The following SPIDR variants were observed in gnomAD, a reference collection of about 807,000 sequenced individuals.
SPIDR encodes the protein DNA repair-scaffolding protein.
A neutral mutation model predicts 104.6 loss-of-function variants in SPIDR; 93 were observed. The observed-to-expected ratio is 0.89, with a 90% CI of 0.75 to 1.06. The LOEUF is 1.06. Ranked by LOEUF, SPIDR falls within the 50% of genes least tolerant of loss-of-function variation. SPIDR has a pLI of 0.00. For synonymous variants in SPIDR, 431 were observed against 416.9 expected (o/e 1.03, Z -0.41); for missense variants, 1,154 against 1,111.2 (o/e 1.04, Z -0.55).
At chr8:47,726,736 T>C (rs569385710) in intron 16 of SPIDR, among the ~76,000 whole-genome samples, 1 of 152,206 alleles carries the variant, frequency 6.6e-6, no homozygotes, top group South Asian at 2.1e-4. Flanking sequence ...TTATTTCATC[T>C]TTTTTTTGGG....
chr8:47,566,567 C>G (rs1167520469), intron 8 of SPIDR, among the ~76,000 whole-genome samples: 1 of 151,950 alleles, frequency 6.6e-6, no homozygotes, highest in African/African-American at 2.4e-5. Context: ...GATTTCATAA[C>G]TCTATCTGGA....
intron 17 of SPIDR, among the ~76,000 whole-genome samples, chr8:47,728,125 AAG>A (rs575051090): frequency 6.7e-6 from 1 of 150,232 alleles, no homozygotes; most frequent in Non-Finnish European, 1.5e-5. Flanking sequence ...CAAAAAGAAA[AAG>A]AGAAAAAAAA....
intron 5 of SPIDR, among the ~76,000 whole-genome samples, chr8:47,346,725 T>C (rs1042419064): frequency 1.1e-4 from 17 of 152,372 alleles, no homozygotes; most frequent in Middle Eastern, 3.4e-3. Context: ...CCATTTCTTC[T>C]AGATTTTCTA....
intron 1 of SPIDR, among the ~76,000 whole-genome samples, chr8:47,278,141 G>A (rs1459732938): frequency 7.0e-6 from 1 of 143,640 alleles, no homozygotes; most frequent in Non-Finnish European, 1.5e-5. Flanking sequence ...TGGGTGTGAA[G>A]TGGCATATCA....
intron 8 of SPIDR, among the ~76,000 whole-genome samples, chr8:47,540,054 C>T (rs1233713375): frequency 6.6e-6 from 1 of 152,208 alleles, no homozygotes; most frequent in East Asian, 1.9e-4. Context: ...TATTCCCCCA[C>T]ATTATGCTTG....
chr8:47,340,291 C>T (rs2050498383), intron 5 of SPIDR, among the ~76,000 whole-genome samples: 1 of 152,082 alleles, frequency 6.6e-6, no homozygotes, highest in African/African-American at 2.4e-5. Flanking sequence ...CGGTTTCTGG[C>T]TTTTTCTCAA....
chr8:47,417,775 T>C lies in SPIDR; in HGVS notation c.877+9814T>C, dbSNP rs565134389. ...GTTTTAGGTCTAACATGTAAGTCTTTAATCCATCTTGAATTAATTTTTGTA... is the reference window on the plus strand; with the variant it reads ...GTTTTAGGTCTAACATGTAAGTCTTCAATCCATCTTGAATTAATTTTTGTA... On this transcript the variant is annotated intron_variant, in intron 7 of 19. Coordinates refer to ENST00000297423, the MANE Select transcript of SPIDR (RefSeq NM_001080394.4). Among the ~76,000 whole-genome samples the C allele has an allele frequency of 1.9e-3, 290 of 152,324 alleles. 1 individual carries two copies. The highest frequency in any genetic ancestry group is 3.1e-3 in the Non-Finnish European group (210 of 68,022).
chr8:47,321,982 C>T (rs1215832960), intron 5 of SPIDR, among the ~76,000 whole-genome samples: 1 of 152,078 alleles, frequency 6.6e-6, no homozygotes. Context: ...GACCTGAAAC[C>T]ATAAAAACCC....
intron 14 of SPIDR, among the ~76,000 whole-genome samples, chr8:47,710,346 TGAAA>T (rs1444270753): frequency 4.6e-5 from 7 of 152,142 alleles, no homozygotes; most frequent in Non-Finnish European, 1.0e-4. Context: ...ATTAATAGAT[TGAAA>T]GAGAGACCAC....
Position 47,598,987 on chromosome 8 carries a change from C to A in SPIDR, c.1335C>A (p.Thr445=). 1 of 1,613,828 alleles carries A rather than the reference C, an allele frequency of 6.2e-7. No homozygotes were observed. The highest frequency in any genetic ancestry group is 1.1e-5 in the South Asian group (1 of 91,014). ...SGVATTGTAW[T]HGHKEAKQRI... ...TAGCCACTACAGGGACAGCCTGGAC[C>A]CATGGGCACAAAGAAGCAAAACAGC... Residue 445 remains threonine, a synonymous_variant, in exon 10 of 20, where the codon ACC becomes ACA. Coordinates refer to ENST00000297423, the MANE Select transcript of SPIDR (RefSeq NM_001080394.4).
intron 5 of SPIDR, among the ~76,000 whole-genome samples, chr8:47,375,481 C>G (rs889548480): frequency 6.6e-6 from 1 of 151,284 alleles, no homozygotes; most frequent in Non-Finnish European, 1.5e-5. Flanking sequence ...ACCTCATGAT[C>G]TGCCCGCCTC....
At chr8:47,440,601 G>T in intron 8 of SPIDR, 59 bp downstream of exon 8, 1 of 1,524,156 alleles carries the variant, frequency 6.6e-7, no homozygotes, top group Non-Finnish European at 8.9e-7. Context: ...CGTAAGAAAA[G>T]ACATTTTTAT....
chr8:47,601,461 C>T (rs1170031048), intron 10 of SPIDR, among the ~76,000 whole-genome samples: 3 of 152,160 alleles, frequency 2.0e-5, no homozygotes, highest in Non-Finnish European at 4.4e-5. Flanking sequence ...TTTGGGAGGC[C>T]GAGGCGGGCG....
At chr8:47,360,244 C>CAAAAAAAAAAA (rs1186187617) in intron 5 of SPIDR, among the ~76,000 whole-genome samples, 1 of 38,958 alleles carries the variant, frequency 2.6e-5, no homozygotes, top group African/African-American at 1.3e-4. Context: ...GACTCCATCT[C>CAAAAAAAAAAA]AAAAAAAAAA....
At chr8:47,505,853 C>G (rs993762052) in intron 8 of SPIDR, among the ~76,000 whole-genome samples, 5 of 152,180 alleles carry the variant, frequency 3.3e-5, no homozygotes, top group African/African-American at 1.2e-4. Context: ...CGAACCGTTA[C>G]CTTTTGTGAA....
At chr8:47,445,406 G>A (rs1554700823) in intron 8 of SPIDR, among the ~76,000 whole-genome samples, 2 of 152,148 alleles carry the variant, frequency 1.3e-5, no homozygotes, top group South Asian at 4.1e-4. Flanking sequence ...AATACTGTGT[G>A]TGCTCTAACT....
At chr8:47,431,978 G>C (rs2154339766) in intron 7 of SPIDR, among the ~76,000 whole-genome samples, 1 of 152,246 alleles carries the variant, frequency 6.6e-6, no homozygotes, top group South Asian at 2.1e-4. Context: ...AGGATCTCCT[G>C]CTTACAGCTT....
At chr8:47,468,784 A>C (rs2075271074) in intron 8 of SPIDR, among the ~76,000 whole-genome samples, 1 of 152,216 alleles carries the variant, frequency 6.6e-6, no homozygotes, top group African/African-American at 2.4e-5. Flanking sequence ...TTAGGCAAAG[A>C]TTTCATTATG....
intron 8 of SPIDR, among the ~76,000 whole-genome samples, chr8:47,475,039 G>T (rs1161362145): frequency 6.6e-6 from 1 of 152,200 alleles, no homozygotes; most frequent in South Asian, 2.1e-4. Flanking sequence ...TGGTGAAGCA[G>T]CTTGATGTTC....
Sources: gnomAD v4.1 joint callset for allele counts (sites outside exome capture counted in the v4.1 genomes callset) on GRCh38, gnomAD v4.1.1 for gene constraint, MANE v1.5 for transcripts, NCBI Gene and HGNC (gene_info 2026-07-23, HGNC 2026-07-21) for gene names.